Variants in GRM5 observed in about 807,000 individuals in gnomAD.
GRM5 encodes metabotropic glutamate receptor 5.
A neutral mutation model predicts 83.1 loss-of-function variants in GRM5; 19 were observed. The ratio of observed to expected loss-of-function variants is 0.23; its 90% CI spans 0.16 to 0.34. The LOEUF (loss-of-function observed/expected upper bound fraction) is 0.34, where lower values mean the gene tolerates loss of function less well. Ranked by LOEUF, GRM5 falls within the 10% of genes least tolerant of loss-of-function variation. The pLI is 1.00. For missense variants in GRM5, 1,160 were observed against 1,588.3 expected (o/e 0.73, Z 4.58); for synonymous variants, 675 against 633.6 (o/e 1.07, Z -0.98).
chr11:88,862,236 C>T (rs1425505358), intron 2 of GRM5, among the ~76,000 whole-genome samples: 1 of 151,992 alleles, frequency 6.6e-6, no homozygotes, highest in Non-Finnish European at 1.5e-5. Flanking sequence ...AATGGCTTAC[C>T]TTTTTTATGT....
chr11:89,060,305 C>CACAT (rs1941965921), intron 1 of GRM5, among the ~76,000 whole-genome samples: 1 of 149,676 alleles, frequency 6.7e-6, no homozygotes, highest in African/African-American at 2.4e-5. Context: ...CACACACACA[C>CACAT]ATATATATGA....
At chr11:88,749,686 C>T (rs1942223146) in intron 3 of GRM5, among the ~76,000 whole-genome samples, 1 of 152,042 alleles carries the variant, frequency 6.6e-6, no homozygotes, top group African/African-American at 2.4e-5. Flanking sequence ...TTAAGGACAG[C>T]CGGAGAGAAA....
At chr11:88,614,968 C>T (rs373625056) in intron 4 of GRM5, among the ~76,000 whole-genome samples, 1 of 152,080 alleles carries the variant, frequency 6.6e-6, no homozygotes, top group East Asian at 1.9e-4. Flanking sequence ...AAACAAATGG[C>T]AACGATATTG....
intron 4 of GRM5, among the ~76,000 whole-genome samples, chr11:88,638,385 G>A (rs1332789824): frequency 6.6e-6 from 1 of 151,924 alleles, no homozygotes; most frequent in Admixed American, 6.6e-5. Flanking sequence ...GTGTTCATGA[G>A]GTCTATATGA....
chr11:88,819,504 G>C (rs1340805026), intron 3 of GRM5, among the ~76,000 whole-genome samples: 1 of 152,038 alleles, frequency 6.6e-6, no homozygotes, highest in Non-Finnish European at 1.5e-5. Context: ...CAGATATCTT[G>C]CTAAGTTTGT....
intron 3 of GRM5, among the ~76,000 whole-genome samples, chr11:88,748,711 C>A (rs951351667): frequency 6.6e-6 from 1 of 152,016 alleles, no homozygotes; most frequent in Admixed American, 6.6e-5. Flanking sequence ...AGGTCAGTAC[C>A]CCCCCAGGAC....
chr11:88,636,317 G>A (rs975820514), intron 4 of GRM5, among the ~76,000 whole-genome samples: 1 of 152,188 alleles, frequency 6.6e-6, no homozygotes, highest in South Asian at 2.1e-4. Context: ...TTTGAGAACA[G>A]CCTGGCCAAC....
At position 88,509,306 on chromosome 11, in the gene GRM5, C is replaced by G; in HGVS notation, c.2925G>C (p.Gly975=). The change falls in exon 10 of 10, where the codon GGG becomes GGC. Residue 975 remains glycine (G), a synonymous_variant. Coordinates refer to ENST00000305447, the MANE Select transcript of GRM5 (RefSeq NM_001143831.3). ...CTGCGCAGCCCGCACCGCCCGTGGCCCCCACGCCCCCAGCGCTCCCGCCTG... is the reference window on the plus strand; with the variant it reads ...CTGCGCAGCCCGCACCGCCCGTGGCGCCCACGCCCCCAGCGCTCCCGCCTG... The part of the protein sequence containing the change: ...AGAGGSAGGV[G]ATGGAGCAGA... The G allele has an allele frequency of 6.4e-7, 1 of 1,559,772 alleles. No individual in the cohort carries two copies. Among genetic ancestry groups the G allele is most frequent in the Non-Finnish European group, 8.7e-7 (1 of 1,155,870 alleles).
intron 3 of GRM5, among the ~76,000 whole-genome samples, chr11:88,789,533 A>T (rs1269648514): frequency 6.6e-6 from 1 of 152,116 alleles, no homozygotes; most frequent in Non-Finnish European, 1.5e-5. Context: ...GCCATTTTTG[A>T]TATTTTTAAT....
chr11:88,643,152 C>T (rs773165005), intron 4 of GRM5, among the ~76,000 whole-genome samples: 6 of 152,170 alleles, frequency 3.9e-5, no homozygotes, highest in Non-Finnish European at 7.4e-5. Context: ...AGCGCTGGCA[C>T]CTGCTGCTGG....
At chr11:88,546,511 A>G (rs979140674) in intron 8 of GRM5, among the ~76,000 whole-genome samples, 2 of 152,072 alleles carry the variant, frequency 1.3e-5, no homozygotes, top group Non-Finnish European at 2.9e-5. Flanking sequence ...TAATAATTAT[A>G]TATGTTAAAA....
chr11:88,653,031 C>T (rs1248110042), intron 4 of GRM5, 137 bp downstream of exon 4: 1 of 615,212 alleles, frequency 1.6e-6, no homozygotes, highest in African/African-American at 1.8e-5. Flanking sequence ...TGTTTATCAC[C>T]ATAAGTGGCA....
intron 8 of GRM5, among the ~76,000 whole-genome samples, chr11:88,538,123 A>T (rs113738400): frequency 0.012 from 1,754 of 151,974 alleles, 35 homozygotes; most frequent in African/African-American, 0.038. Context: ...CTCAACAAAA[A>T]AGAACAAACC....
intron 3 of GRM5, among the ~76,000 whole-genome samples, chr11:88,748,132 C>T (rs1008658773): frequency 7.2e-5 from 11 of 152,258 alleles, no homozygotes; most frequent in African/African-American, 2.4e-4. Flanking sequence ...TGGATCTTTG[C>T]AACCCATGGA....
chr11:88,914,171 C>T (rs1312019011), intron 2 of GRM5, among the ~76,000 whole-genome samples: 1 of 152,178 alleles, frequency 6.6e-6, no homozygotes, highest in African/African-American at 2.4e-5. Context: ...TTCTTTGCTT[C>T]ACTGAGTCAC....
At chr11:88,834,857 C>G (rs896176078) in intron 3 of GRM5, among the ~76,000 whole-genome samples, 11 of 152,152 alleles carry the variant, frequency 7.2e-5, no homozygotes, top group Admixed American at 7.2e-4. Flanking sequence ...TTTTAGCTGG[C>G]TTACTTGCAG....
At chr11:88,763,445 A>G (rs1942569501) in intron 3 of GRM5, among the ~76,000 whole-genome samples, 1 of 151,856 alleles carries the variant, frequency 6.6e-6, no homozygotes, top group African/African-American at 2.4e-5. Context: ...TACATAATCA[A>G]ACACTAAAAT....
chr11:88,707,407 T>G (rs1941187223), intron 3 of GRM5, among the ~76,000 whole-genome samples: 1 of 152,122 alleles, frequency 6.6e-6, no homozygotes, highest in Non-Finnish European at 1.5e-5. Flanking sequence ...TAGAGATGTC[T>G]TCCTATGCAT....
intron 3 of GRM5, among the ~76,000 whole-genome samples, chr11:88,771,912 A>G (rs12275597): frequency 0.22 from 32,882 of 151,936 alleles, 4,731 homozygotes; most frequent in Non-Finnish European, 0.32. Flanking sequence ...CTCCCTCACT[A>G]TGGTTTTGTC....
Sources: allele counts gnomAD v4.1 joint callset (sites outside exome capture counted in the v4.1 genomes callset), GRCh38; gene constraint gnomAD v4.1.1; transcripts MANE v1.5; gene names NCBI Gene and HGNC (gene_info 2026-07-23, HGNC 2026-07-21).